The following BTBD9 variants were observed in gnomAD, a reference collection of about 807,000 sequenced individuals.
BTBD9 encodes BTB domain containing 9.
In BTBD9, 49 loss-of-function variants were observed where a neutral mutation model predicts 64.3. The observed-to-expected ratio is 0.76, with a 90% CI of 0.61 to 0.97. The LOEUF is 0.97. BTBD9 is among the 50% of genes least tolerant of loss of function. The pLI, the probability that BTBD9 is intolerant of heterozygous loss-of-function variation, is 0.00. For missense variants in BTBD9, 598 were observed against 762.1 expected (o/e 0.78, Z 2.53); for synonymous variants, 260 against 274.7 (o/e 0.95, Z 0.53).
rs375466825 is a variant in BTBD9 at position 38,250,985 on chromosome 6, G to A, written c.1562+5424C>T. 1.5e-3 allele frequency among the ~76,000 whole-genome samples: 227 copies of A among 151,948 alleles called. 2 individuals are homozygous for A. The South Asian group carries it at 0.024, about 16-fold the overall frequency. ...TAATCTCAGCTACTCAGGAGGCTGAGGCAGGAGAATCACTTGAACCCAGGA... is the reference window on the plus strand; with the variant it reads ...TAATCTCAGCTACTCAGGAGGCTGAAGCAGGAGAATCACTTGAACCCAGGA... On this transcript the variant is annotated intron_variant, in intron 9 of 10. Coordinates refer to ENST00000481247, the MANE Select transcript of BTBD9 (RefSeq NM_001099272.2).
At chr6:38,460,321 T>C (rs1770017117) in intron 6 of BTBD9, among the ~76,000 whole-genome samples, 1 of 152,212 alleles carries the variant, frequency 6.6e-6, no homozygotes, top group African/African-American at 2.4e-5. Flanking sequence ...CGAGAAATGA[T>C]CAAACCAGTC....
At chr6:38,195,233 C>T (rs952122168) in intron 9 of BTBD9, among the ~76,000 whole-genome samples, 2 of 152,212 alleles carry the variant, frequency 1.3e-5, no homozygotes, top group African/African-American at 4.8e-5. Context: ...AAAGGAGCTG[C>T]CTTGGCTGAG....
intron 9 of BTBD9, among the ~76,000 whole-genome samples, chr6:38,239,628 C>A (rs1393711498): frequency 2.0e-5 from 3 of 151,966 alleles, no homozygotes; most frequent in Non-Finnish European, 4.4e-5. Flanking sequence ...TTATAAATGG[C>A]TACTCTGGAG....
rs1399704436 is a variant in BTBD9, at chr6:38,504,384, T to C, written c.1154+73216A>G. 35 of 341,896 alleles carry C rather than the reference T, an allele frequency of 1.0e-4. No individual in the cohort carries two copies. The Admixed American group carries it at 1.3e-3, about 13-fold the overall frequency. 21.2% of individuals were successfully genotyped at this position (341,896 alleles called of 1,614,324 possible). A position where few individuals can be genotyped will look rare whatever the true frequency, so the allele number is the denominator to read the frequency against. ...TTTACGGAGACTACAAACTTCCTCATGTTACCACTACCCAAACTACAAAAT... is the reference window on the plus strand; with the variant it reads ...TTTACGGAGACTACAAACTTCCTCACGTTACCACTACCCAAACTACAAAAT... On this transcript the variant is annotated intron_variant, in intron 6 of 10. Transcript: ENST00000481247.
chr6:38,360,596 C>T (rs191999479), intron 6 of BTBD9, among the ~76,000 whole-genome samples: 3 of 152,136 alleles, frequency 2.0e-5, no homozygotes, highest in East Asian at 3.9e-4. Flanking sequence ...GATGTGACTG[C>T]TAAGTATTGA....
At chr6:38,414,068 C>T (rs1484045115) in intron 6 of BTBD9, among the ~76,000 whole-genome samples, 1 of 152,034 alleles carries the variant, frequency 6.6e-6, no homozygotes, top group African/African-American at 2.4e-5. Flanking sequence ...GTCCAGAGTA[C>T]CCCCAAAAGT....
intron 7 of BTBD9, among the ~76,000 whole-genome samples, chr6:38,298,396 G>C (rs1762240916): frequency 6.6e-6 from 1 of 151,878 alleles, no homozygotes; most frequent in Admixed American, 6.6e-5. Context: ...CATAATATTT[G>C]TACATACTTA....
At chr6:38,451,101 C>A (rs542253772) in intron 6 of BTBD9, among the ~76,000 whole-genome samples, 1 of 152,112 alleles carries the variant, frequency 6.6e-6, no homozygotes, top group Non-Finnish European at 1.5e-5. Flanking sequence ...CATATGATCC[C>A]CGATTACTCT....
At chr6:38,196,113 T>C (rs1336281318) in intron 9 of BTBD9, among the ~76,000 whole-genome samples, 2 of 152,332 alleles carry the variant, frequency 1.3e-5, no homozygotes, top group South Asian at 2.1e-4. Flanking sequence ...ACAGCAGGCT[T>C]TACTCCTGGT....
chr6:38,406,534 T>C (rs931815796), intron 6 of BTBD9, among the ~76,000 whole-genome samples: 1 of 152,144 alleles, frequency 6.6e-6, no homozygotes, highest in African/African-American at 2.4e-5. Flanking sequence ...CAATTCCCAG[T>C]GGTAGTACTA....
chr6:38,539,483 A>G (rs1774169377), intron 6 of BTBD9, among the ~76,000 whole-genome samples: 2 of 152,240 alleles, frequency 1.3e-5, no homozygotes, highest in Non-Finnish European at 1.5e-5. Context: ...TATTATAACC[A>G]GAAGACCACT....
chr6:38,289,852 G>C (rs1286953622), intron 7 of BTBD9, among the ~76,000 whole-genome samples: 13 of 152,040 alleles, frequency 8.6e-5, no homozygotes, highest in Admixed American at 8.5e-4. Flanking sequence ...TCTAAACACT[G>C]AGAAGAGAAT....
chr6:38,510,473 C>CTTTA (rs1772727019), intron 6 of BTBD9, among the ~76,000 whole-genome samples: 1 of 152,128 alleles, frequency 6.6e-6, no homozygotes, highest in African/African-American at 2.4e-5. Context: ...CTACAGCTGA[C>CTTTA]TTTATAAATA....
chr6:38,383,779 T>C (rs1037793869), intron 6 of BTBD9, among the ~76,000 whole-genome samples: 6 of 152,212 alleles, frequency 3.9e-5, no homozygotes, highest in African/African-American at 1.4e-4. Context: ...GGGTCTTCAT[T>C]TTATTGAAAC....
intron 8 of BTBD9, among the ~76,000 whole-genome samples, chr6:38,275,994 C>T (rs543922750): frequency 1.3e-5 from 2 of 152,272 alleles, no homozygotes; most frequent in Non-Finnish European, 2.9e-5. Context: ...CATCCCATTA[C>T]TGGGTATATA....
intron 9 of BTBD9, among the ~76,000 whole-genome samples, chr6:38,206,840 C>T (rs976855982): frequency 6.6e-6 from 1 of 151,158 alleles, no homozygotes; most frequent in African/African-American, 2.4e-5. Context: ...TATGAAGATA[C>T]AGACCAAAAA....
chr6:38,247,840 T>C (rs577446565), intron 9 of BTBD9, among the ~76,000 whole-genome samples: 1 of 152,284 alleles, frequency 6.6e-6, no homozygotes, highest in Non-Finnish European at 1.5e-5. Flanking sequence ...GATTTACTGC[T>C]GGCAGTGAAT....
chr6:38,523,687 AT>A (rs952912814), intron 6 of BTBD9, among the ~76,000 whole-genome samples: 7 of 152,136 alleles, frequency 4.6e-5, no homozygotes, highest in African/African-American at 1.2e-4. Flanking sequence ...AGCCTACAGT[AT>A]TTTTTTCATT....
At chr6:38,587,012 G>A (rs546822982) in intron 4 of BTBD9, among the ~76,000 whole-genome samples, 8 of 151,848 alleles carry the variant, frequency 5.3e-5, no homozygotes, top group Admixed American at 6.6e-5. Context: ...GCAGTGAGCC[G>A]AGATTGTGTC....
Sources: gnomAD v4.1 joint callset for allele counts (sites outside exome capture counted in the v4.1 genomes callset) on GRCh38, gnomAD v4.1.1 for gene constraint, MANE v1.5 for transcripts, NCBI Gene and HGNC (gene_info 2026-07-23, HGNC 2026-07-21) for gene names.